The following KAZN variants were observed in gnomAD, a reference collection of about 807,000 sequenced individuals.
KAZN encodes kazrin.
A neutral mutation model predicts 87.4 loss-of-function variants in KAZN; 40 were observed. That is an observed-to-expected ratio of 0.46 (90% confidence interval 0.36 to 0.60). KAZN has a LOEUF of 0.60. Among genes scored for constraint, KAZN ranks in the 20% least tolerant of loss-of-function variants. The pLI is 0.00. For missense variants in KAZN, 898 were observed against 1,073.9 expected, an observed-to-expected ratio of 0.84 and a Z score of 2.29; for synonymous variants, 466 against 458.3, an observed-to-expected ratio of 1.02 and a Z score of -0.22.
chr1:14,047,896 A>G (rs1240646524), intron 1 of KAZN, among the ~76,000 whole-genome samples: 4 of 151,922 alleles, frequency 2.6e-5, no homozygotes, highest in African/African-American at 7.3e-5. Flanking sequence ...AAATAAAGAA[A>G]GAAGGAAGGA....
intron 2 of KAZN, among the ~76,000 whole-genome samples, chr1:14,283,654 G>A (rs909799881): frequency 6.6e-6 from 1 of 152,130 alleles, no homozygotes; most frequent in African/African-American, 2.4e-5. Flanking sequence ...GCAAAATGGT[G>A]CGACCCCTTT....
chr1:14,818,785 T>A (rs1259129644), intron 1 of KAZN, among the ~76,000 whole-genome samples: 5 of 152,146 alleles, frequency 3.3e-5, no homozygotes, highest in Non-Finnish European at 7.4e-5. Context: ...CCAGGCATGG[T>A]GGCTCACACT....
chr1:14,754,152 C>G (rs1201815436), intron 1 of KAZN, among the ~76,000 whole-genome samples: 2 of 152,172 alleles, frequency 1.3e-5, no homozygotes, highest in Non-Finnish European at 2.9e-5. Context: ...GATCTGAGTG[C>G]TAAGAGTTGG....
chr1:14,692,072 T>C (rs945828606), intron 1 of KAZN: 3 of 276,912 alleles, frequency 1.1e-5, no homozygotes, highest in African/African-American at 6.7e-5. Context: ...AAATAATGAA[T>C]TGTAAAATGG....
chr1:14,404,795 T>C (rs1008057757), intron 2 of KAZN, among the ~76,000 whole-genome samples: 2 of 152,168 alleles, frequency 1.3e-5, no homozygotes, highest in African/African-American at 4.8e-5. Flanking sequence ...AACACCAACA[T>C]ATATTGTCAT....
chr1:15,050,685 A>G (rs1674299701), intron 4 of KAZN, among the ~76,000 whole-genome samples: 1 of 152,150 alleles, frequency 6.6e-6, no homozygotes, highest in Admixed American at 6.5e-5. Flanking sequence ...GCCCTTGCCA[A>G]GCCAGTTCCT....
rs566006667 is a variant in KAZN, at chr1:14,571,376, C to T, written c.250-27607C>T. Among the ~76,000 whole-genome samples the T allele has an allele frequency of 2.0e-5, 3 of 152,198 alleles. No homozygotes were observed. In the South Asian group the frequency reaches 6.2e-4, roughly 32 times the overall value. On this transcript the variant is annotated intron_variant, in intron 2 of 16. Coordinates refer to the KAZN transcript ENST00000636203. The stretch of plus-strand genomic sequence containing the variant: ...ATTGGCCATAATTGCTCACCTTTTT[C>T]ATATATTGAATCTCTGTCGTCTGCT...
chr1:14,586,020 C>G (rs1159249602), intron 2 of KAZN, among the ~76,000 whole-genome samples: 1 of 152,164 alleles, frequency 6.6e-6, no homozygotes, highest in Non-Finnish European at 1.5e-5. Flanking sequence ...CACAGCTGTT[C>G]CCTAGTGGGG....
At chr1:13,926,477 C>G (rs1640279945) in intron 1 of KAZN, among the ~76,000 whole-genome samples, 1 of 152,138 alleles carries the variant, frequency 6.6e-6, no homozygotes, top group African/African-American at 2.4e-5. Context: ...CGATGGCTTC[C>G]TCCCACATTT....
chr1:14,379,360 G>A (rs1590799), intron 2 of KAZN, among the ~76,000 whole-genome samples: 128,210 of 151,836 alleles, frequency 0.84, 54,906 homozygotes, highest in Non-Finnish European at 0.91. Flanking sequence ...AGAAAAGTAG[G>A]GGGAAAAGTA....
intron 2 of KAZN, among the ~76,000 whole-genome samples, chr1:14,515,163 A>G (rs997300470): frequency 6.6e-6 from 1 of 152,232 alleles, no homozygotes; most frequent in African/African-American, 2.4e-5. Context: ...CAATGAAATC[A>G]GGAAAATGAA....
intron 2 of KAZN, among the ~76,000 whole-genome samples, chr1:14,418,792 G>T (rs925812374): frequency 2.0e-5 from 3 of 152,206 alleles, no homozygotes; most frequent in Non-Finnish European, 4.4e-5. Context: ...TCAAAGTCAT[G>T]AAATTCGCCT....
At chr1:14,050,292 C>G (rs1331264328) in intron 1 of KAZN, among the ~76,000 whole-genome samples, 2 of 152,200 alleles carry the variant, frequency 1.3e-5, no homozygotes, top group Non-Finnish European at 2.9e-5. Context: ...ATTTGGAGCA[C>G]TGGATACTTC....
At chr1:14,955,513 G>T (rs964564425) in intron 1 of KAZN, among the ~76,000 whole-genome samples, 1 of 152,234 alleles carries the variant, frequency 6.6e-6, no homozygotes, top group East Asian at 1.9e-4. Context: ...CAGTTAGCAA[G>T]CTCCGATAAG....
intron 2 of KAZN, among the ~76,000 whole-genome samples, chr1:14,408,140 G>T (rs1664014927): frequency 6.6e-6 from 1 of 152,112 alleles, no homozygotes; most frequent in Non-Finnish European, 1.5e-5. Context: ...CTCTTGATTT[G>T]GTCATAATTA....
intron 2 of KAZN, among the ~76,000 whole-genome samples, chr1:14,411,475 T>G (rs1425782751): frequency 6.6e-6 from 1 of 152,186 alleles, no homozygotes; most frequent in Non-Finnish European, 1.5e-5. Context: ...TTGTATTTTT[T>G]AATAGAGATG....
chr1:14,818,675 T>C (rs1646647709), intron 1 of KAZN, among the ~76,000 whole-genome samples: 3 of 152,168 alleles, frequency 2.0e-5, no homozygotes, highest in Admixed American at 1.3e-4. Flanking sequence ...CCAAAACTCA[T>C]TGCAGGGAAG....
chr1:14,540,708 C>T (rs1437040929), intron 2 of KAZN, among the ~76,000 whole-genome samples: 1 of 152,182 alleles, frequency 6.6e-6, no homozygotes, highest in Non-Finnish European at 1.5e-5. Flanking sequence ...TGCCACTTTG[C>T]AATTTCTGGA....
In KAZN at chr1:14,406,972, G is replaced by A. The variant is rs954507630; in HGVS notation, c.250-192011G>A. Among the ~76,000 whole-genome samples, 6 of 152,322 alleles carry A rather than the reference G, an allele frequency of 3.9e-5. No homozygotes were observed. The East Asian group carries it at 9.7e-4, about 25-fold the overall frequency. ...AAGAGCTGAGACTTAGCAGGCACTC[G>A]ATAGCTGTGTACCGAATGAATTTCC... On this transcript the variant is annotated intron_variant, in intron 2 of 16. Coordinates refer to the KAZN transcript ENST00000636203.
Sources: gnomAD v4.1 joint callset for allele counts (sites outside exome capture counted in the v4.1 genomes callset) on GRCh38, gnomAD v4.1.1 for gene constraint, MANE v1.5 for transcripts, NCBI Gene and HGNC (gene_info 2026-07-23, HGNC 2026-07-21) for gene names.